The following SRRM3 variants were observed in gnomAD, a reference collection of about 807,000 sequenced individuals.
SRRM3 encodes serine/arginine repetitive matrix protein 3.
In SRRM3, 27 loss-of-function variants were observed where a neutral mutation model predicts 66.2. That is an observed-to-expected ratio of 0.41 (90% confidence interval 0.30 to 0.56). The LOEUF (loss-of-function observed/expected upper bound fraction) is 0.56, where lower values mean the gene tolerates loss of function less well. Ranked by LOEUF, SRRM3 falls within the 20% of genes least tolerant of loss-of-function variation. The pLI is 0.32. For synonymous variants in SRRM3, 391 were observed against 414.9 expected (o/e 0.94, Z 0.70); for missense variants, 918 against 991.9 (o/e 0.93, Z 1.00).
intron 1 of SRRM3, among the ~76,000 whole-genome samples, chr7:76,219,485 C>T (rs1800659221): frequency 6.6e-6 from 1 of 152,216 alleles, no homozygotes; most frequent in African/African-American, 2.4e-5. Flanking sequence ...TCTCAGCCAG[C>T]CCAGCAGAAG....
Position 76,281,694 on chromosome 7 carries a change from G to A in SRRM3, c.1262G>A (p.Arg421His). ...CCCGCGCCCCCCCGGGGCTCGTCGC[G>A]CTCGCTCAGCAGGGCCCGCTCCAGC... ...PRPAPPRGSSRSLSRARSSSD... is the reference protein window; with the variant it reads ...PRPAPPRGSSHSLSRARSSSD... The change falls in exon 12 of 15, where the codon CGC (arginine) becomes CAC (histidine). Residue 421 changes from arginine to histidine, a missense_variant. Coordinates refer to ENST00000611745, the MANE Select transcript of SRRM3 (RefSeq NM_001110199.3). 9.3e-7 allele frequency: 1 copy of A among 1,074,506 alleles called. No homozygotes were observed. The highest frequency in any genetic ancestry group is 1.1e-6 in the Non-Finnish European group (1 of 886,860). The allele number at this position is 1,074,506 out of a possible 1,614,324, so 66.6% of individuals were successfully genotyped here.
intron 3 of SRRM3, among the ~76,000 whole-genome samples, chr7:76,250,021 CTTTATTTATTTA>C (rs71082399): frequency 2.6e-5 from 4 of 151,506 alleles, no homozygotes; most frequent in African/African-American, 7.3e-5. Context: ...TTGCAATCAT[CTTTATTTATTTA>C]TTTATTTATT....
chr7:76,247,603 G>A (rs1340072045), intron 2 of SRRM3, among the ~76,000 whole-genome samples: 2 of 152,102 alleles, frequency 1.3e-5, no homozygotes, highest in East Asian at 1.9e-4. Context: ...GAGGGGCGAG[G>A]GGGTCGTCTC....
intron 1 of SRRM3, among the ~76,000 whole-genome samples, chr7:76,225,316 G>A (rs1490482995): frequency 3.3e-5 from 5 of 152,216 alleles, no homozygotes; most frequent in South Asian, 2.1e-4. Flanking sequence ...TGTGACCACA[G>A]ACGAAGTGCT....
intron 1 of SRRM3, among the ~76,000 whole-genome samples, chr7:76,233,315 A>T (rs1801056569): frequency 6.6e-6 from 1 of 152,160 alleles, no homozygotes; most frequent in Admixed American, 6.5e-5. Context: ...CCTGTCTCAA[A>T]AAATGAACAA....
rs138821419 is a variant in SRRM3 at position 76,210,010 on chromosome 7, G to C, written c.-40+7943G>C. ...CAGGAAGGCCCCTCTGCCTGCAATA[G>C]GGTAGGAGGCAGAGAGGGAAAGGAA... On this transcript the variant is annotated intron_variant, in intron 1 of 14. Coordinates refer to ENST00000611745, the MANE Select transcript of SRRM3 (RefSeq NM_001110199.3). Among the ~76,000 whole-genome samples the C allele has an allele frequency of 1.4e-3, 212 of 152,326 alleles. 10 individuals carry two copies. The South Asian group carries it at 0.039, about 28-fold the overall frequency.
At chr7:76,251,150 C>T (rs1252110937) in intron 3 of SRRM3, among the ~76,000 whole-genome samples, 2 of 152,068 alleles carry the variant, frequency 1.3e-5, no homozygotes, top group African/African-American at 4.8e-5. Context: ...GCGGTCAGCC[C>T]GACGCCCGTC....
At position 76,267,433 on chromosome 7, in the gene SRRM3, G is replaced by A. The variant is rs1563636051; in HGVS notation, c.1006G>A (p.Asp336Asn). 4 of 1,358,772 alleles carry A rather than the reference G, an allele frequency of 2.9e-6. No homozygotes were observed. Among genetic ancestry groups the A allele is most frequent in the Non-Finnish European group, 3.8e-6 (4 of 1,060,954 alleles). 84.2% of individuals were successfully genotyped at this position (1,358,772 alleles called of 1,614,324 possible). Residue 336 changes from aspartate (D) to asparagine (N), a missense_variant and splice_region_variant, in exon 11 of 15, where the codon GAT becomes AAT. Asp to Asn is a conservative substitution (Grantham distance 23). Transcript: ENST00000611745. The stretch of plus-strand genomic sequence containing the variant: ...CCCCGGCTCGGCGCACAGCCCGCCC[G>A]ATGTACGTACGCTTCGCTTTGCGGA... ...GRPGSAHSPP[D>N]KPSSPSPRVR...
At chr7:76,230,075 C>T (rs1800975778) in intron 1 of SRRM3, among the ~76,000 whole-genome samples, 2 of 152,066 alleles carry the variant, frequency 1.3e-5, no homozygotes, top group South Asian at 2.1e-4. Context: ...CCAATGTCTC[C>T]GGCTACTGAG....
At chr7:76,279,914 G>A (rs986257827) in intron 11 of SRRM3, among the ~76,000 whole-genome samples, 1 of 152,136 alleles carries the variant, frequency 6.6e-6, no homozygotes, top group African/African-American at 2.4e-5. Context: ...CTCCAGAGGC[G>A]GCGTGGCCTC....
chr7:76,215,390 C>T (rs1447482232), intron 1 of SRRM3, among the ~76,000 whole-genome samples: 5 of 145,338 alleles, frequency 3.4e-5, no homozygotes, highest in Admixed American at 2.1e-4. Context: ...GTTAGGAGCC[C>T]GCAGTTTTTT....
chr7:76,229,679 T>C (rs979274803), intron 1 of SRRM3, among the ~76,000 whole-genome samples: 6 of 152,162 alleles, frequency 3.9e-5, no homozygotes, highest in African/African-American at 1.2e-4. Context: ...CAATTTTAGT[T>C]TGGGACCCAG....
At chr7:76,221,004 C>A (rs1411025642) in intron 1 of SRRM3, among the ~76,000 whole-genome samples, 1 of 151,984 alleles carries the variant, frequency 6.6e-6, no homozygotes, top group Non-Finnish European at 1.5e-5. Flanking sequence ...GCTCTGCCCG[C>A]TCCCTGAGCC....
chr7:76,207,405 G>A (rs1800328295), intron 1 of SRRM3, among the ~76,000 whole-genome samples: 1 of 152,182 alleles, frequency 6.6e-6, no homozygotes, highest in African/African-American at 2.4e-5. Context: ...GAAACTATCA[G>A]TAGTTCCACC....
chr7:76,282,654 G>A lies in SRRM3; in HGVS notation c.1377G>A (p.Lys459=), dbSNP rs1315592662. The A allele has an allele frequency of 3.0e-6, 4 of 1,352,276 alleles. No individual in the cohort carries two copies. The highest frequency in any genetic ancestry group is 1.5e-5 in the South Asian group (1 of 65,844). 83.8% of individuals were successfully genotyped at this position (1,352,276 alleles called of 1,614,324 possible). ...RGHGGHGKRA[K]ERPPRARPAS... The stretch of plus-strand genomic sequence containing the variant: ...CGCCGTCTCCCTCCTCCAGGGCCAA[G>A]GAGCGGCCCCCGCGCGCGCGGCCCG... The change falls in exon 13 of 15, where the codon AAG becomes AAA. Residue 459 remains lysine, a synonymous_variant. Transcript: ENST00000611745.
At chr7:76,235,406 A>T in intron 2 of SRRM3, 107 bp downstream of exon 2, 1 of 905,090 alleles carries the variant, frequency 1.1e-6, no homozygotes, top group Non-Finnish European at 1.6e-6. Flanking sequence ...GGCGGGGAGA[A>T]GGGCGGGGCT....
intron 2 of SRRM3, among the ~76,000 whole-genome samples, chr7:76,246,990 G>A (rs1329042322): frequency 1.3e-5 from 2 of 152,216 alleles, no homozygotes; most frequent in Non-Finnish European, 2.9e-5. Context: ...GATCCCTTCA[G>A]TAACAGCTGC....
intron 1 of SRRM3, among the ~76,000 whole-genome samples, chr7:76,230,452 G>T (rs1554604137): frequency 6.6e-6 from 1 of 151,978 alleles, no homozygotes; most frequent in Non-Finnish European, 1.5e-5. Context: ...GAGCTTGAGA[G>T]CAGCCTGGGC....
chr7:76,267,998 A>G (rs1554610050), intron 11 of SRRM3: 1 of 149,166 alleles, frequency 6.7e-6, no homozygotes, highest in East Asian at 2.0e-4. Context: ...TGCCCTCTAA[A>G]GTCCCTGCTC....
Sources: gnomAD v4.1 joint callset for allele counts (sites outside exome capture counted in the v4.1 genomes callset) on GRCh38, gnomAD v4.1.1 for gene constraint, MANE v1.5 for transcripts, NCBI Gene and HGNC (gene_info 2026-07-23, HGNC 2026-07-21) for gene names.